Variants in ALKBH2 observed in about 807,000 individuals in gnomAD.
The protein encoded by ALKBH2 is alkB homolog 2, alpha-ketoglutarate dependent dioxygenase.
Under a neutral mutation model 19.7 loss-of-function variants are expected in ALKBH2, and 19 were observed. That is an observed-to-expected ratio of 0.97 (90% confidence interval 0.67 to 1.42). The LOEUF is 1.42. Ranked by LOEUF, ALKBH2 falls within the 40% of genes most tolerant of loss-of-function variation. The pLI, the probability that ALKBH2 is intolerant of heterozygous loss-of-function variation, is 0.00. For missense variants in ALKBH2, 310 were observed against 328.5 expected (o/e 0.94, Z 0.43); for synonymous variants, 135 against 131.2 (o/e 1.03, Z -0.20).
Position 109,092,735 on chromosome 12 carries a change from C to A in ALKBH2, c.52G>T (p.Glu18Ter). 1 of 1,614,138 alleles carries A rather than the reference C, an allele frequency of 6.2e-7. No homozygotes were observed. Among genetic ancestry groups the A allele is most frequent in the Non-Finnish European group, 8.5e-7 (1 of 1,180,002 alleles). The change falls in exon 2 of 4, where the codon GAG (glutamate) becomes TAG (stop). Residue 18 changes from glutamate to a stop codon, truncating the protein, a stop_gained. Transcript: ENST00000429722. LOFTEE classifies it high-confidence loss of function. ...TCTTCTCCAGTTGGCTCTTGCTCCT[C>A]CTGCTTCCTCAAAAGGCCCCCTTGA... The part of the protein sequence containing the change: ...GAQGGLLRKQ[E>*]EQEPTGEEPA...
chr12:109,092,503 T>C lies in ALKBH2; in HGVS notation c.280+4A>G. On this transcript the variant is annotated splice_donor_region_variant and intron_variant, in intron 2 of 3. Transcript: ENST00000429722. ...CACACACACACACACACCCCTCTGCTTACCTGTAAAATATTCTACTTCTTT... is the reference window on the plus strand; with the variant it reads ...CACACACACACACACACCCCTCTGCCTACCTGTAAAATATTCTACTTCTTT... 6.4e-7 allele frequency: 1 copy of C among 1,563,602 alleles called. No individual in the cohort carries two copies.
chr12:109,090,314 A>G, intron 2 of ALKBH2, 107 bp from the exon 3 acceptor site: 1 of 880,360 alleles, frequency 1.1e-6, no homozygotes, highest in South Asian at 1.4e-5. Context: ...TGCCCCACAT[A>G]CATGCTCCCT....
chr12:109,088,208 A>AT lies in ALKBH2; in HGVS notation c.783dup (p.Ter262IlefsTer?). ...GAGAAAAACTGTTAAAAATGTTTTT[A>AT]TTTTTTAGTAAGCAAAATTTTACGA... On this transcript the variant is annotated frameshift_variant, in exon 4 of 4. Transcript: ENST00000429722. LOFTEE classifies it high-confidence loss of function. This position sits in a 1 kb window ranked among gnomAD's most constrained non-coding sequence, Gnocchi z 4.2. 6.3e-7 allele frequency: 1 copy of AT among 1,589,958 alleles called. No individual in the cohort carries two copies. Among genetic ancestry groups the AT allele is most frequent in the South Asian group, 1.1e-5 (1 of 89,466 alleles).
chr12:109,091,675 C>A lies in ALKBH2; in HGVS notation c.280+832G>T, dbSNP rs572488506. ...GCCTCAGCCTCTCAAGTAGCTGGGA[C>A]TACAGGCATGCACCACTACGCACAG... On this transcript the variant is annotated intron_variant, in intron 2 of 3. Transcript: ENST00000429722. 2.0e-5 allele frequency among the ~76,000 whole-genome samples: 3 copies of A among 151,914 alleles called. No individual in the cohort carries two copies. In the South Asian group the frequency reaches 6.3e-4, roughly 32 times the overall value.
intron 3 of ALKBH2, 138 bp downstream of exon 3, chr12:109,089,871 G>A: frequency 2.3e-6 from 2 of 863,578 alleles, no homozygotes; most frequent in Non-Finnish European, 3.6e-6. Flanking sequence ...ACCGAGTGCT[G>A]GCGCTATTCC....
intron 2 of ALKBH2, 28 bp from the exon 3 acceptor site, chr12:109,090,235 T>A (rs374023764): frequency 1.3e-5 from 21 of 1,605,260 alleles, no homozygotes; most frequent in Non-Finnish European, 1.6e-5. Flanking sequence ...GGCAGTTCCT[T>A]TCTACCTGAC....
rs2042013323 is a variant in ALKBH2, at chr12:109,088,894, T to C, written c.480-382A>G. 1.3e-5 allele frequency among the ~76,000 whole-genome samples: 2 copies of C among 152,126 alleles called. No individual in the cohort carries two copies. ...CCCACCTAGCTAATTTCTTTTCTTT[T>C]GCAGAAACAGTTTCACCATGTTACC... On this transcript the variant is annotated intron_variant, in intron 3 of 3. Coordinates refer to ENST00000429722, the MANE Select transcript of ALKBH2 (RefSeq NM_001145374.2). The surrounding 1 kb of genome is among the most constrained non-coding windows in gnomAD (Gnocchi z 4.2).
chr12:109,091,796 C>T (rs757141239), intron 2 of ALKBH2, among the ~76,000 whole-genome samples: 7 of 152,174 alleles, frequency 4.6e-5, no homozygotes, highest in Non-Finnish European at 1.0e-4. Flanking sequence ...GTGATTCGCC[C>T]GTCTCGGGCT....
intron 3 of ALKBH2, chr12:109,089,586 T>G: frequency 4.8e-6 from 1 of 209,540 alleles, no homozygotes; most frequent in Non-Finnish European, 9.9e-6. Context: ...CAAATCGGCC[T>G]GTTTAATTTT....
At chr12:109,092,433 C>T (rs2042075014) in intron 2 of ALKBH2, 74 bp downstream of exon 2, 10 of 1,447,712 alleles carry the variant, frequency 6.9e-6, no homozygotes, top group Non-Finnish European at 9.1e-6. Context: ...CAGATTTCTC[C>T]AAACATACGA....
chr12:109,091,830 G>A (rs562694313), intron 2 of ALKBH2, among the ~76,000 whole-genome samples: 11 of 152,270 alleles, frequency 7.2e-5, no homozygotes, highest in Admixed American at 2.0e-4. Flanking sequence ...GATTACAGGC[G>A]CGAGCCACCA....
At chr12:109,090,949 A>C (rs890033989) in intron 2 of ALKBH2, among the ~76,000 whole-genome samples, 3 of 152,188 alleles carry the variant, frequency 2.0e-5, no homozygotes, top group African/African-American at 2.4e-5. Flanking sequence ...CCTTAACTAC[A>C]GTAAGGGCAG....
At position 109,092,943 on chromosome 12, in the gene ALKBH2, A is replaced by G; in HGVS notation, c.-151-6T>C. On this transcript the variant is annotated splice_polypyrimidine_tract_variant and splice_region_variant and intron_variant, in intron 1 of 3. Transcript: ENST00000429722. ...TTAAAGTTTAAAACCATGTCCTAGA[A>G]AGGAAACAGAAGATGTTAAAGCCGG... 7.0e-7 allele frequency: 1 copy of G among 1,430,842 alleles called. No homozygotes were observed. The highest frequency in any genetic ancestry group is 9.1e-7 in the Non-Finnish European group (1 of 1,098,342). The allele number at this position is 1,430,842 out of a possible 1,614,324, so 88.6% of individuals were successfully genotyped here. A position where few individuals can be genotyped will look rare whatever the true frequency, so the allele number is the denominator to read the frequency against.
chr12:109,092,713 T>C lies in ALKBH2; in HGVS notation c.74A>G (p.Glu25Gly). 6.2e-7 allele frequency: 1 copy of C among 1,613,984 alleles called. No individual in the cohort carries two copies. The highest frequency in any genetic ancestry group is 8.5e-7 in the Non-Finnish European group (1 of 1,179,974). ...GTCTCCTCCCAACACAGCTGGCTCT[T>C]CTCCAGTTGGCTCTTGCTCCTCCTG... is the stretch of plus-strand genomic sequence containing the variant. ...RKQEEQEPTG[E>G]EPAVLGGDKE... The change falls in exon 2 of 4, where the codon GAA becomes GGA. Residue 25 changes from glutamate to glycine, a missense_variant. By Grantham distance (98) the Glu-to-Gly change is moderately conservative (BLOSUM62 -2). Transcript: ENST00000429722.
intron 2 of ALKBH2, among the ~76,000 whole-genome samples, chr12:109,090,958 A>C (rs2042052054): frequency 6.6e-6 from 1 of 152,234 alleles, no homozygotes; most frequent in South Asian, 2.1e-4. Flanking sequence ...CAGTAAGGGC[A>C]GAATAAAGAG....
chr12:109,089,328 C>T (rs1400364523), intron 3 of ALKBH2, among the ~76,000 whole-genome samples: 1 of 152,192 alleles, frequency 6.6e-6, no homozygotes, highest in Non-Finnish European at 1.5e-5. Context: ...CCTCTAACCA[C>T]CCCATCTGAA....
At chr12:109,090,495 T>C (rs952702687) in intron 2 of ALKBH2, among the ~76,000 whole-genome samples, 1 of 152,166 alleles carries the variant, frequency 6.6e-6, no homozygotes, top group African/African-American at 2.4e-5. Context: ...TAGCACAATC[T>C]CAGCGCACTT....
chr12:109,088,245 C>T lies in ALKBH2; in HGVS notation c.747G>A (p.Val249=). 1 of 1,605,954 alleles carries T rather than the reference C, an allele frequency of 6.2e-7. No homozygotes were observed. Among genetic ancestry groups the T allele is most frequent in the Non-Finnish European group, 8.5e-7 (1 of 1,175,486 alleles). Residue 249 remains valine (V), a synonymous_variant, in exon 4 of 4, where the codon GTG becomes GTA. Transcript: ENST00000429722. This position sits in a 1 kb window ranked among gnomAD's most constrained non-coding sequence, Gnocchi z 4.2. ...GCAAAATTTTACGAAAAGTCAGATT[C>T]ACCCGTGGAGCCAGAACCTTCTTTC... ...PVRKKVLAPR[V]NLTFRKILLT...
At position 109,089,844 on chromosome 12, in the gene ALKBH2, C is replaced by A. The variant is rs751997957; in HGVS notation, c.479+165G>T. The A allele has an allele frequency of 8.9e-5, 60 of 675,890 alleles. 1 individual carries two copies. The highest frequency in any genetic ancestry group is 4.3e-4 in the Admixed American group (17 of 39,314). 41.9% of individuals were successfully genotyped at this position (675,890 alleles called of 1,614,324 possible). On this transcript the variant is annotated intron_variant, in intron 3 of 3. Coordinates refer to ENST00000429722, the MANE Select transcript of ALKBH2 (RefSeq NM_001145374.2). ...CTCTCACTTCCTACTCCGGGATGAG[C>A]TCCAGGATCCAGGAAGACCGAGTGC... is the stretch of plus-strand genomic sequence containing the variant.
Sources: allele counts gnomAD v4.1 joint callset (sites outside exome capture counted in the v4.1 genomes callset), GRCh38; gene constraint gnomAD v4.1.1; non-coding constraint Gnocchi (gnomAD v3.1); transcripts MANE v1.5; gene names NCBI Gene and HGNC (gene_info 2026-07-23, HGNC 2026-07-21).